ASTN2: variants seen among roughly 807,000 people sequenced by gnomAD.
The protein encoded by ASTN2 is astrotactin-2.
ASTN2 carries 54 observed loss-of-function variants against 139.8 expected under a neutral mutation model. That is an observed-to-expected ratio of 0.39 (90% CI 0.31 to 0.48). The LOEUF (loss-of-function observed/expected upper bound fraction) is 0.48. ASTN2 is among the 20% of genes least tolerant of loss of function. The pLI, the probability that ASTN2 is intolerant of heterozygous loss-of-function variation, is 0.95. For synonymous variants in ASTN2, 756 were observed against 719.5 expected (o/e 1.05, Z -0.81); for missense variants, 1,565 against 1,725.1 (o/e 0.91, Z 1.64).
At chr9:117,352,017 A>G (rs1177212615) in intron 1 of ASTN2, among the ~76,000 whole-genome samples, 1 of 152,204 alleles carries the variant, frequency 6.6e-6, no homozygotes, top group Non-Finnish European at 1.5e-5. Flanking sequence ...TATCTTTTTA[A>G]TTGAATCAAC....
chr9:117,190,311 A>C (rs1831311534), intron 3 of ASTN2, among the ~76,000 whole-genome samples: 1 of 152,192 alleles, frequency 6.6e-6, no homozygotes, highest in African/African-American at 2.4e-5. Flanking sequence ...GCAAGCAAAA[A>C]CAAAACAAAA....
At chr9:117,267,824 T>C (rs1044854233) in intron 2 of ASTN2, among the ~76,000 whole-genome samples, 3 of 152,118 alleles carry the variant, frequency 2.0e-5, no homozygotes, top group East Asian at 1.9e-4. Flanking sequence ...AGTGATTTAG[T>C]AGTTTTCAAG....
chr9:116,563,589 C>T (rs530673240), intron 19 of ASTN2, among the ~76,000 whole-genome samples: 9 of 152,212 alleles, frequency 5.9e-5, no homozygotes, highest in Admixed American at 5.9e-4. Flanking sequence ...TCCTTCCGAT[C>T]TTTGCTCCAA....
intron 22 of ASTN2, among the ~76,000 whole-genome samples, chr9:116,437,059 T>C (rs1428420384): frequency 7.6e-5 from 1 of 13,080 alleles, no homozygotes; most frequent in East Asian, 2.6e-3. Context: ...GGGACTGTTG[T>C]GGGGTGGGGG....
rs1831283438 is a variant in ASTN2 at position 117,414,811 on chromosome 9, G to GGCA, written c.125_127dup (p.Leu42dup). 1 of 1,221,492 alleles carries GGCA rather than the reference G, an allele frequency of 8.2e-7. No individual in the cohort carries two copies. Among genetic ancestry groups the GGCA allele is most frequent in the South Asian group, 2.7e-5 (1 of 37,242 alleles). 75.7% of individuals were successfully genotyped at this position (1,221,492 alleles called of 1,614,324 possible). A position where few individuals can be genotyped will look rare whatever the true frequency, so the allele number is the denominator to read the frequency against. On this transcript the variant is annotated inframe_insertion, in exon 1 of 23. Coordinates refer to ENST00000313400, the MANE Select transcript of ASTN2 (RefSeq NM_001365068.1). The surrounding 1 kb of genome is among the most constrained non-coding windows in gnomAD (Gnocchi z 4.2). Reference sequence around the variant, plus strand: ...GGCGCCGGCCAGCAGCGGCGGCGGCGGCAGCAGGAGCAGGAACAGCAGCAG... The same window carrying GGCA: ...GGCGCCGGCCAGCAGCGGCGGCGGCGGCAGCAGCAGGAGCAGGAACAGCAGCAG...
intron 20 of ASTN2, among the ~76,000 whole-genome samples, chr9:116,446,272 TAGAGAGAGAGAGAGAGAG>T (rs3040241): frequency 8.4e-6 from 1 of 119,036 alleles, no homozygotes; most frequent in Non-Finnish European, 1.7e-5. Flanking sequence ...GAGAGAGAGA[TAGAGAGAGAGAGAGAGAG>T]AGAGAGAGAG....
At chr9:116,487,273 C>T in intron 20 of ASTN2, 86 bp downstream of exon 20, 1 of 1,527,660 alleles carries the variant, frequency 6.5e-7, no homozygotes, top group Non-Finnish European at 8.9e-7. Context: ...ATTTGGCTGG[C>T]CTGCACAGAA....
At chr9:117,079,089 A>T (rs1029624791) in intron 5 of ASTN2, among the ~76,000 whole-genome samples, 1 of 152,200 alleles carries the variant, frequency 6.6e-6, no homozygotes, top group East Asian at 1.9e-4. Context: ...GGTGCAGTGA[A>T]TCACACCTGT....
chr9:116,658,100 T>C (rs1009874964), intron 16 of ASTN2, among the ~76,000 whole-genome samples: 5 of 146,534 alleles, frequency 3.4e-5, no homozygotes, highest in African/African-American at 1.4e-4. Flanking sequence ...TTTTGTTTTG[T>C]TTTTGTTTTG....
chr9:117,160,764 C>A (rs950204224), intron 3 of ASTN2, among the ~76,000 whole-genome samples: 7 of 151,912 alleles, frequency 4.6e-5, no homozygotes, highest in Non-Finnish European at 1.5e-5. Context: ...TTATAAATAT[C>A]CTGTATATGT....
At chr9:116,860,420 T>C (rs1832847454) in intron 11 of ASTN2, among the ~76,000 whole-genome samples, 1 of 152,242 alleles carries the variant, frequency 6.6e-6, no homozygotes, top group Non-Finnish European at 1.5e-5. Context: ...TTGCCAGTTA[T>C]ATTCTTTGAG....
Position 116,756,910 on chromosome 9 carries a change from A to G in ASTN2, c.2397-23387T>C, listed in dbSNP as rs555749620. On this transcript the variant is annotated intron_variant, in intron 13 of 22. Transcript: ENST00000313400. ...TGATGTACCCAAGGTCACAGAGCCA[A>G]TAAGTGACAACTTTGTGAGGTTTCC... is the stretch of plus-strand genomic sequence containing the variant. Among the ~76,000 whole-genome samples, 3 of 152,278 alleles carry G rather than the reference A, an allele frequency of 2.0e-5. No homozygotes were observed. In the East Asian group the frequency reaches 5.8e-4, roughly 29 times the overall value.
intron 1 of ASTN2, among the ~76,000 whole-genome samples, chr9:117,303,933 G>C (rs1834937467): frequency 6.6e-6 from 1 of 152,214 alleles, no homozygotes; most frequent in Non-Finnish European, 1.5e-5. Context: ...ATGCTCCTGG[G>C]ATCCCTGCAA....
chr9:116,864,959 T>TA (rs1378179499), intron 10 of ASTN2, among the ~76,000 whole-genome samples: 7 of 152,170 alleles, frequency 4.6e-5, no homozygotes, highest in African/African-American at 1.7e-4. Flanking sequence ...TCCCAGTACT[T>TA]AGAGAAGAAA....
chr9:116,845,177 C>T (rs754587728), intron 11 of ASTN2, among the ~76,000 whole-genome samples: 4 of 152,114 alleles, frequency 2.6e-5, no homozygotes, highest in Non-Finnish European at 5.9e-5. Flanking sequence ...TGTGGTGGTG[C>T]GATCTCGGCT....
intron 3 of ASTN2, among the ~76,000 whole-genome samples, chr9:117,188,360 G>A (rs770401222): frequency 6.6e-6 from 1 of 152,102 alleles, no homozygotes; most frequent in Non-Finnish European, 1.5e-5. Context: ...ATAGCATGAG[G>A]AGTTTTCCGA....
chr9:117,286,915 C>G (rs901221837), intron 2 of ASTN2, among the ~76,000 whole-genome samples: 3 of 152,224 alleles, frequency 2.0e-5, no homozygotes, highest in Non-Finnish European at 4.4e-5. Flanking sequence ...CAGAACTGTG[C>G]CCAAGCACAC....
chr9:117,145,273 T>A (rs987079775), intron 3 of ASTN2, among the ~76,000 whole-genome samples: 5 of 152,136 alleles, frequency 3.3e-5, no homozygotes, highest in Non-Finnish European at 5.9e-5. Flanking sequence ...ACAGTGAATG[T>A]GGGTAGTGGC....
intron 13 of ASTN2, among the ~76,000 whole-genome samples, chr9:116,801,942 G>A (rs993156448): frequency 4.6e-5 from 7 of 152,114 alleles, no homozygotes; most frequent in African/African-American, 1.4e-4. Flanking sequence ...CTGTTCAGAG[G>A]CAATCCAGGG....
Sources: allele counts gnomAD v4.1 joint callset (sites outside exome capture counted in the v4.1 genomes callset), GRCh38; gene constraint gnomAD v4.1.1; non-coding constraint Gnocchi (gnomAD v3.1); transcripts MANE v1.5; gene names NCBI Gene and HGNC (gene_info 2026-07-23, HGNC 2026-07-21).